The following EYA3 variants were observed in gnomAD, a reference collection of about 807,000 sequenced individuals.
EYA3 encodes protein phosphatase EYA3.
Under a neutral mutation model 80.0 loss-of-function variants are expected in EYA3, and 39 were observed. The observed-to-expected ratio is 0.49, with a 90% CI of 0.38 to 0.64. The LOEUF is 0.64. Among genes scored for constraint, EYA3 ranks in the 30% least tolerant of loss-of-function variants. EYA3 has a pLI of 0.00. For synonymous variants in EYA3, 206 were observed against 232.8 expected, an observed-to-expected ratio of 0.88 and a Z score of 1.05; for missense variants, 523 against 676.1, an observed-to-expected ratio of 0.77 and a Z score of 2.51.
intron 3 of EYA3, among the ~76,000 whole-genome samples, chr1:28,044,200 A>C (rs1449394227): frequency 6.6e-6 from 1 of 152,170 alleles, no homozygotes; most frequent in African/African-American, 2.4e-5. Flanking sequence ...TTCTTCAGTT[A>C]TTATGTCCCA....
chr1:28,067,583 C>A (rs2148921203), intron 1 of EYA3, among the ~76,000 whole-genome samples: 1 of 152,012 alleles, frequency 6.6e-6, no homozygotes, highest in African/African-American at 2.4e-5. Flanking sequence ...TTTCAAATCA[C>A]AGTGATCTTG....
At chr1:27,977,255 GATA>G in intron 17 of EYA3, 1 of 1,539,242 alleles carries the variant, frequency 6.5e-7, no homozygotes, top group Non-Finnish European at 8.7e-7. Context: ...GAAAACATGA[GATA>G]ATAATGCCAA....
chr1:28,040,211 T>C (rs1643698636), intron 4 of EYA3, among the ~76,000 whole-genome samples: 1 of 152,182 alleles, frequency 6.6e-6, no homozygotes, highest in African/African-American at 2.4e-5. Flanking sequence ...GGCAAAGACT[T>C]TGAAATATAT....
chr1:28,004,671 C>T (rs1037985757), intron 10 of EYA3, among the ~76,000 whole-genome samples: 1 of 151,654 alleles, frequency 6.6e-6, no homozygotes, highest in African/African-American at 2.4e-5. Flanking sequence ...AAAATTATAG[C>T]TTATTTTATA....
At chr1:28,054,913 T>C (rs144130697) in intron 2 of EYA3, among the ~76,000 whole-genome samples, 41 of 152,308 alleles carry the variant, frequency 2.7e-4, no homozygotes, top group African/African-American at 9.9e-4. Flanking sequence ...TTAAAGGTGA[T>C]GGTAGAGAGG....
intron 7 of EYA3, among the ~76,000 whole-genome samples, chr1:28,018,991 C>A (rs937477818): frequency 1.3e-5 from 2 of 152,054 alleles, no homozygotes; most frequent in African/African-American, 4.8e-5. Context: ...CATGATGAAA[C>A]CCCATCTCCA....
intron 1 of EYA3, among the ~76,000 whole-genome samples, chr1:28,072,916 G>T (rs1232357902): frequency 6.6e-6 from 1 of 151,196 alleles, no homozygotes; most frequent in Admixed American, 6.6e-5. Flanking sequence ...GAACAATCTG[G>T]ATGAAACTCA....
intron 16 of EYA3, 43 bp from the exon 17 acceptor site, chr1:27,978,517 C>T (rs1157908267): frequency 6.5e-7 from 1 of 1,529,708 alleles, no homozygotes; most frequent in African/African-American, 1.4e-5. Context: ...CTCTTCTCTT[C>T]TTTTCAAAAC....
rs865951311 is a variant in EYA3, at chr1:28,059,719, T to A, written c.-68-1625A>T. The stretch of plus-strand genomic sequence containing the variant: ...CTTCAATACCTCATTTGTTGGATTT[T>A]TTTTTTTTTTTTTTTTTTTGAGATA... On this transcript the variant is annotated intron_variant, in intron 1 of 17. Coordinates refer to ENST00000373871, the MANE Select transcript of EYA3 (RefSeq NM_001990.4). Among the ~76,000 whole-genome samples the A allele has an allele frequency of 8.8e-3, 1,314 of 148,642 alleles. 10 individuals are homozygous for A. Among genetic ancestry groups the A allele is most frequent in the African/African-American group, 0.016 (643 of 40,346 alleles).
chr1:28,064,985 A>T (rs1346418636), intron 1 of EYA3, among the ~76,000 whole-genome samples: 2 of 152,246 alleles, frequency 1.3e-5, no homozygotes, highest in African/African-American at 4.8e-5. Context: ...AGTGATGATG[A>T]CTGCAGATCA....
intron 7 of EYA3, among the ~76,000 whole-genome samples, chr1:28,019,354 A>G (rs959167710): frequency 1.3e-5 from 2 of 152,192 alleles, no homozygotes; most frequent in African/African-American, 4.8e-5. Context: ...TCTTTCAACC[A>G]ATATTCACCT....
chr1:28,082,927 C>T (rs1004630951), intron 1 of EYA3, among the ~76,000 whole-genome samples: 1 of 152,188 alleles, frequency 6.6e-6, no homozygotes, highest in East Asian at 1.9e-4. Flanking sequence ...TGAGAAACAT[C>T]GGTAGTAAAA....
intron 10 of EYA3, among the ~76,000 whole-genome samples, chr1:28,010,357 A>T (rs189439249): frequency 6.6e-6 from 1 of 152,252 alleles, no homozygotes; most frequent in African/African-American, 2.4e-5. Flanking sequence ...CGCCTTACAG[A>T]AACTTGGCTA....
intron 16 of EYA3, among the ~76,000 whole-genome samples, chr1:27,979,965 G>A (rs1482965607): frequency 6.6e-6 from 1 of 152,110 alleles, no homozygotes; most frequent in Non-Finnish European, 1.5e-5. Flanking sequence ...TTAACCCAGT[G>A]GCACTTCAAA....
chr1:28,045,498 G>A (rs1643969294), intron 3 of EYA3, among the ~76,000 whole-genome samples: 2 of 151,874 alleles, frequency 1.3e-5, no homozygotes, highest in Admixed American at 6.6e-5. Flanking sequence ...TTAGAAGTTG[G>A]TGATATTGCT....
chr1:28,076,901 T>C (rs1571969244), intron 1 of EYA3, among the ~76,000 whole-genome samples: 1 of 143,026 alleles, frequency 7.0e-6, no homozygotes, highest in African/African-American at 2.6e-5. Flanking sequence ...CCACCACGCC[T>C]GGCTAATTTT....
chr1:28,066,402 C>T (rs185551208), intron 1 of EYA3, among the ~76,000 whole-genome samples: 1 of 151,274 alleles, frequency 6.6e-6, no homozygotes, highest in South Asian at 2.1e-4. Flanking sequence ...ACAAAAAAAA[C>T]CCTAAGAGAT....
chr1:28,033,644 T>TATTATG (rs1643274196), intron 6 of EYA3, among the ~76,000 whole-genome samples: 2 of 53,818 alleles, frequency 3.7e-5, no homozygotes, highest in South Asian at 1.7e-3. Context: ...TTTAATGTAT[T>TATTATG]ATTATTATTA....
At chr1:28,088,101 C>T (rs933863476) in intron 1 of EYA3, among the ~76,000 whole-genome samples, 1 of 152,200 alleles carries the variant, frequency 6.6e-6, no homozygotes, top group Admixed American at 6.5e-5. Flanking sequence ...GGCTCAGTTT[C>T]TCGTGGTGAA....
Sources: gnomAD v4.1 joint callset for allele counts (sites outside exome capture counted in the v4.1 genomes callset) on GRCh38, gnomAD v4.1.1 for gene constraint, MANE v1.5 for transcripts, NCBI Gene and HGNC (gene_info 2026-07-23, HGNC 2026-07-21) for gene names.